The following SEMA5A variants were observed in gnomAD, a reference collection of about 807,000 sequenced individuals.
The protein encoded by SEMA5A is semaphorin 5A.
Under a neutral mutation model 135.5 loss-of-function variants are expected in SEMA5A, and 55 were observed. The ratio of observed to expected loss-of-function variants is 0.41; its 90% confidence interval spans 0.33 to 0.51. The LOEUF (loss-of-function observed/expected upper bound fraction) is 0.51. SEMA5A is among the 20% of genes least tolerant of loss of function. SEMA5A has a pLI of 0.37. For synonymous variants in SEMA5A, 580 were observed against 546.5 expected, an observed-to-expected ratio of 1.06 and a Z score of -0.85; for missense variants, 1,290 against 1,419.9, an observed-to-expected ratio of 0.91 and a Z score of 1.47.
chr5:9,338,849 C>A (rs539018449), intron 3 of SEMA5A, among the ~76,000 whole-genome samples: 1 of 152,056 alleles, frequency 6.6e-6, no homozygotes, highest in Non-Finnish European at 1.5e-5. Flanking sequence ...GCCCCCATTC[C>A]GTCTCATATC....
chr5:9,185,947 G>A (rs10069527), intron 11 of SEMA5A, among the ~76,000 whole-genome samples: 123 of 152,262 alleles, frequency 8.1e-4, no homozygotes, highest in African/African-American at 2.8e-3. Context: ...CAGTGGTGGG[G>A]AAGAGCCAGT....
chr5:9,085,763 C>G (rs1458119148), intron 16 of SEMA5A, among the ~76,000 whole-genome samples: 1 of 152,160 alleles, frequency 6.6e-6, no homozygotes, highest in Non-Finnish European at 1.5e-5. Flanking sequence ...GAGAAGAGGG[C>G]CACCATCCTC....
chr5:9,435,035 A>G (rs1757982412), intron 2 of SEMA5A, among the ~76,000 whole-genome samples: 1 of 152,212 alleles, frequency 6.6e-6, no homozygotes, highest in African/African-American at 2.4e-5. Context: ...TGTAATAAAA[A>G]AGAAAAATTT....
intron 8 of SEMA5A, among the ~76,000 whole-genome samples, chr5:9,223,641 A>G (rs2150414139): frequency 6.6e-6 from 1 of 152,362 alleles, no homozygotes; most frequent in East Asian, 1.9e-4. Context: ...ATTAGCTGAT[A>G]TGTAGCAAAA....
intron 1 of SEMA5A, among the ~76,000 whole-genome samples, chr5:9,500,689 T>C (rs1044457834): frequency 6.6e-6 from 1 of 152,214 alleles, no homozygotes; most frequent in Non-Finnish European, 1.5e-5. Flanking sequence ...CTATATCACA[T>C]GCAGTATATA....
intron 5 of SEMA5A, among the ~76,000 whole-genome samples, chr5:9,255,281 C>T (rs2150499232): frequency 6.6e-6 from 1 of 152,276 alleles, no homozygotes; most frequent in South Asian, 2.1e-4. Flanking sequence ...CAAGAAGTCA[C>T]CTACAATTGC....
chr5:9,534,231 T>C (rs1737619739), intron 1 of SEMA5A, among the ~76,000 whole-genome samples: 1 of 152,178 alleles, frequency 6.6e-6, no homozygotes, highest in Admixed American at 6.5e-5. Context: ...TTGCGCCCTT[T>C]GTCCCCCGAC....
chr5:9,478,289 G>C (rs1759746922), intron 1 of SEMA5A, among the ~76,000 whole-genome samples: 1 of 152,254 alleles, frequency 6.6e-6, no homozygotes, highest in Non-Finnish European at 1.5e-5. Context: ...GCAATGCAGA[G>C]GGGCAGTGTG....
intron 1 of SEMA5A, among the ~76,000 whole-genome samples, chr5:9,534,591 C>T (rs191758687): frequency 2.6e-5 from 4 of 152,162 alleles, no homozygotes; most frequent in South Asian, 2.1e-4. Context: ...TACCAGAAAG[C>T]GGTCCCGATC....
chr5:9,146,825 A>G (rs1742364419), intron 12 of SEMA5A, among the ~76,000 whole-genome samples: 1 of 152,218 alleles, frequency 6.6e-6, no homozygotes, highest in South Asian at 2.1e-4. Flanking sequence ...AAAAATCCAC[A>G]TTCTCTAGAG....
At chr5:9,410,837 T>C (rs1318217079) in intron 2 of SEMA5A, among the ~76,000 whole-genome samples, 1 of 134,532 alleles carries the variant, frequency 7.4e-6, no homozygotes. Context: ...TTAGAAGAAA[T>C]GAAAAACAAA....
intron 1 of SEMA5A, among the ~76,000 whole-genome samples, chr5:9,497,710 A>G (rs573224167): frequency 8.5e-5 from 13 of 152,218 alleles, no homozygotes; most frequent in Non-Finnish European, 1.8e-4. Context: ...CAGGGATGTC[A>G]ATATCTTCCT....
chr5:9,485,250 C>A (rs1038776681), intron 1 of SEMA5A, among the ~76,000 whole-genome samples: 2 of 146,638 alleles, frequency 1.4e-5, no homozygotes, highest in African/African-American at 5.2e-5. Context: ...CCCCCAGGCC[C>A]TGGAAATTAA....
At chr5:9,461,360 A>C (rs2126729589) in intron 1 of SEMA5A, among the ~76,000 whole-genome samples, 1 of 152,346 alleles carries the variant, frequency 6.6e-6, no homozygotes, top group Middle Eastern at 3.4e-3. Context: ...TATAATGACC[A>C]AGAGCTGACA....
At chr5:9,380,623 T>A (rs1276388240) in intron 2 of SEMA5A, among the ~76,000 whole-genome samples, 2 of 152,192 alleles carry the variant, frequency 1.3e-5, no homozygotes, top group Non-Finnish European at 2.9e-5. Context: ...TGGCTAGAGA[T>A]CAAGTGTGAA....
Position 9,309,450 on chromosome 5 carries a change from G to A in SEMA5A, c.270+8922C>T, listed in dbSNP as rs139652497. ...CTGCCTTGTGATTTCTTGAAGTTAT[G>A]TGACTGAGTTATGGCCAGTGGAATT... On this transcript the variant is annotated intron_variant, in intron 5 of 22. Coordinates refer to ENST00000382496, the MANE Select transcript of SEMA5A (RefSeq NM_003966.3). Among the ~76,000 whole-genome samples the A allele has an allele frequency of 5.4e-3, 821 of 152,230 alleles. 7 individuals are homozygous for A. The highest frequency in any genetic ancestry group is 0.019 in the African/African-American group (770 of 41,540).
chr5:9,188,608 T>C (rs963184005), intron 11 of SEMA5A, among the ~76,000 whole-genome samples: 1 of 152,086 alleles, frequency 6.6e-6, no homozygotes, highest in Non-Finnish European at 1.5e-5. Flanking sequence ...CCTCCTAGAA[T>C]TGGAAGAAGA....
At chr5:9,480,296 C>T (rs1199717631) in intron 1 of SEMA5A, among the ~76,000 whole-genome samples, 1 of 152,152 alleles carries the variant, frequency 6.6e-6, no homozygotes, top group Non-Finnish European at 1.5e-5. Context: ...TTTACTATGT[C>T]CCTGAATCCA....
At chr5:9,346,693 T>C (rs1753886672) in intron 3 of SEMA5A, among the ~76,000 whole-genome samples, 1 of 152,204 alleles carries the variant, frequency 6.6e-6, no homozygotes, top group Admixed American at 6.5e-5. Context: ...AGTGCCAAAG[T>C]GGCCAGCTGG....
Sources: gnomAD v4.1 joint callset for allele counts (sites outside exome capture counted in the v4.1 genomes callset) on GRCh38, gnomAD v4.1.1 for gene constraint, MANE v1.5 for transcripts, NCBI Gene and HGNC (gene_info 2026-07-23, HGNC 2026-07-21) for gene names.